MYO5B: variants seen among roughly 807,000 people sequenced by gnomAD.
The protein encoded by MYO5B is unconventional myosin-Vb.
MYO5B carries 143 observed loss-of-function variants against 229.3 expected under a neutral mutation model. That is an observed-to-expected ratio of 0.62 (90% confidence interval 0.54 to 0.72). The LOEUF (loss-of-function observed/expected upper bound fraction) is 0.72, where lower values mean the gene tolerates loss of function less well. Among genes scored for constraint, MYO5B ranks in the 30% least tolerant of loss-of-function variants. MYO5B has a pLI of 0.00. For missense variants in MYO5B, 2,321 were observed against 2,331.0 expected, an observed-to-expected ratio of 1.00 and a Z score of 0.09; for synonymous variants, 918 against 885.2, an observed-to-expected ratio of 1.04 and a Z score of -0.66.
intron 29 of MYO5B, among the ~76,000 whole-genome samples, chr18:49,860,159 G>A (rs1044947095): frequency 4.7e-4 from 72 of 152,246 alleles, no homozygotes; most frequent in African/African-American, 1.7e-3. Flanking sequence ...CTCTTGATAA[G>A]GCTTGGGTAG....
chr18:49,976,303 T>C (rs1030128917), intron 9 of MYO5B, among the ~76,000 whole-genome samples: 2 of 152,176 alleles, frequency 1.3e-5, no homozygotes, highest in African/African-American at 4.8e-5. Flanking sequence ...CCCCAGGCAA[T>C]TTTTTCCTCC....
At chr18:50,147,244 C>G (rs926147340) in intron 1 of MYO5B, among the ~76,000 whole-genome samples, 1 of 152,132 alleles carries the variant, frequency 6.6e-6, no homozygotes, top group African/African-American at 2.4e-5. Context: ...TTCCAACTAC[C>G]CAAGTCAGGA....
chr18:49,882,561 G>C (rs1180143291), intron 22 of MYO5B, among the ~76,000 whole-genome samples: 1 of 141,762 alleles, frequency 7.1e-6, no homozygotes, highest in South Asian at 2.2e-4. Flanking sequence ...CAGGGAGTCA[G>C]AGGTTGCAGC....
intron 1 of MYO5B, among the ~76,000 whole-genome samples, chr18:50,144,618 G>A (rs987921020): frequency 6.6e-6 from 1 of 152,166 alleles, no homozygotes; most frequent in Non-Finnish European, 1.5e-5. Flanking sequence ...ACCCCCAAAA[G>A]ACCTTAGGGA....
chr18:49,824,099 A>G lies in MYO5B; in HGVS notation c.*2372T>C, dbSNP rs1342093863. 6.6e-6 allele frequency: 1 copy of G among 152,594 alleles called. No individual in the cohort carries two copies. Among genetic ancestry groups the G allele is most frequent in the Non-Finnish European group, 1.5e-5 (1 of 68,032 alleles). 9.5% of individuals were successfully genotyped at this position (152,594 alleles called of 1,614,324 possible). A position where few individuals can be genotyped will look rare whatever the true frequency, so the allele number is the denominator to read the frequency against. Reference sequence around the variant, plus strand: ...ATGCAGAGTTCAAACCTGAATTGTTAAAGAGTCATTACTGATTTCATGACA... The same window carrying G: ...ATGCAGAGTTCAAACCTGAATTGTTGAAGAGTCATTACTGATTTCATGACA... On this transcript the variant is annotated 3_prime_UTR_variant, in exon 40 of 40. Transcript: ENST00000285039.
rs565277237 is a variant in MYO5B, at chr18:50,061,069, C to T, written c.28-5691G>A. The stretch of plus-strand genomic sequence containing the variant: ...TTTCCCCAGAGCTAAAGAACTCTTT[C>T]CCAAAGAGCCCCAGCTAAAATGTAA... On this transcript the variant is annotated intron_variant, in intron 1 of 39. Coordinates refer to ENST00000285039, the MANE Select transcript of MYO5B (RefSeq NM_001080467.3). Among the ~76,000 whole-genome samples, 28 of 152,294 alleles carry T rather than the reference C, an allele frequency of 1.8e-4. 1 individual carries two copies. The highest frequency in any genetic ancestry group is 6.2e-4 in the South Asian group (3 of 4,826).
At position 49,974,635 on chromosome 18, in the gene MYO5B, T is replaced by C; in HGVS notation, c.1057-20A>G. The C allele has an allele frequency of 6.2e-7, 1 of 1,611,322 alleles. No individual in the cohort carries two copies. ...CTGGGGCTGTGGGAGATGGGGGAGA[T>C]AGGTTCAGGAGGAGTGTGGGAGACA... On this transcript the variant is annotated intron_variant, in intron 9 of 39. Coordinates refer to ENST00000285039, the MANE Select transcript of MYO5B (RefSeq NM_001080467.3).
intron 37 of MYO5B, 94 bp from the exon 38 acceptor site, chr18:49,836,979 T>C (rs949023508): frequency 8.4e-7 from 1 of 1,188,236 alleles, no homozygotes; most frequent in African/African-American, 1.5e-5. Flanking sequence ...CCGCTGCAGC[T>C]AGTGCCATTA....
In MYO5B at chr18:49,916,136, C is replaced by T. The variant is rs1255052331; in HGVS notation, c.2091-3963G>A. Among the ~76,000 whole-genome samples, 4 of 152,218 alleles carry T rather than the reference C, an allele frequency of 2.6e-5. 1 individual carries two copies. In the South Asian group the frequency reaches 6.2e-4, roughly 24 times the overall value. On this transcript the variant is annotated intron_variant, in intron 17 of 39. Coordinates refer to ENST00000285039, the MANE Select transcript of MYO5B (RefSeq NM_001080467.3). Reference sequence around the variant, plus strand: ...CCATGGTTATTTGCATACACACTTGCTTTAGTTCTCCTTAAGAGTTTGCAA... The same window carrying T: ...CCATGGTTATTTGCATACACACTTGTTTTAGTTCTCCTTAAGAGTTTGCAA...
At chr18:50,128,603 T>A (rs2032204665) in intron 1 of MYO5B, among the ~76,000 whole-genome samples, 1 of 152,122 alleles carries the variant, frequency 6.6e-6, no homozygotes, top group Admixed American at 6.5e-5. Flanking sequence ...AACAGAGGAC[T>A]CTCACACTCC....
chr18:50,116,340 T>C (rs1215688821), intron 1 of MYO5B, among the ~76,000 whole-genome samples: 2 of 152,134 alleles, frequency 1.3e-5, no homozygotes, highest in Non-Finnish European at 2.9e-5. Context: ...AGTCAGTCTG[T>C]AGAAGAACTT....
intron 26 of MYO5B, among the ~76,000 whole-genome samples, chr18:49,872,744 C>T (rs577042306): frequency 6.6e-6 from 1 of 152,280 alleles, no homozygotes; most frequent in Non-Finnish European, 1.5e-5. Flanking sequence ...TGGCCAAAAA[C>T]ATGGGAAGTT....
intron 1 of MYO5B, among the ~76,000 whole-genome samples, chr18:50,069,182 T>C (rs759064286): frequency 6.6e-6 from 1 of 152,026 alleles, no homozygotes; most frequent in Non-Finnish European, 1.5e-5. Flanking sequence ...AAAAAAAAAA[T>C]AGCAATAATA....
intron 1 of MYO5B, among the ~76,000 whole-genome samples, chr18:50,156,963 G>A (rs191094332): frequency 2.6e-5 from 4 of 152,204 alleles, no homozygotes; most frequent in African/African-American, 7.2e-5. Context: ...CTGATCCCCT[G>A]TAACTCTCTA....
Position 50,005,011 on chromosome 18 carries a change from T to C in MYO5B, c.456-3600A>G, listed in dbSNP as rs575014538. On this transcript the variant is annotated intron_variant, in intron 4 of 39. Transcript: ENST00000285039. ...TTCAGATCATCTCAGTTCAGTCTGT[T>C]AGAACTCTGATCCCTGAAGCCCAAG... is the stretch of plus-strand genomic sequence containing the variant. 2.0e-5 allele frequency among the ~76,000 whole-genome samples: 3 copies of C among 152,346 alleles called. No individual in the cohort carries two copies. The South Asian group carries it at 6.2e-4, about 32-fold the overall frequency.
chr18:50,097,749 C>T (rs2031579901), intron 1 of MYO5B: 1 of 153,124 alleles, frequency 6.5e-6, no homozygotes, highest in South Asian at 2.0e-4. Flanking sequence ...TTGCAAGTCC[C>T]AAGCCTCTCG....
rs574134036 is a variant in MYO5B at position 50,081,194 on chromosome 18, T to C, written c.28-25816A>G. Among the ~76,000 whole-genome samples, 31 of 152,262 alleles carry C rather than the reference T, an allele frequency of 2.0e-4. 1 individual carries two copies. The South Asian group carries it at 5.8e-3, about 29-fold the overall frequency. ...CCTGGATTTAGGTCAACCTCTTCAG[T>C]GGGTCCTTCTGTTGTGGCCAGCAGC... On this transcript the variant is annotated intron_variant, in intron 1 of 39. Transcript: ENST00000285039.
At chr18:50,146,461 T>C (rs2032504218) in intron 1 of MYO5B, among the ~76,000 whole-genome samples, 1 of 152,208 alleles carries the variant, frequency 6.6e-6, no homozygotes, top group Non-Finnish European at 1.5e-5. Flanking sequence ...GTCAGGAGAC[T>C]GGGCTTGCCT....
At chr18:50,177,035 T>C (rs948165092) in intron 1 of MYO5B, among the ~76,000 whole-genome samples, 1 of 152,330 alleles carries the variant, frequency 6.6e-6, no homozygotes, top group East Asian at 1.9e-4. Context: ...ATAATGAGCA[T>C]TGAGCTTTGA....
Sources: gnomAD v4.1 joint callset for allele counts (sites outside exome capture counted in the v4.1 genomes callset) on GRCh38, gnomAD v4.1.1 for gene constraint, MANE v1.5 for transcripts, NCBI Gene and HGNC (gene_info 2026-07-23, HGNC 2026-07-21) for gene names.